VSIR: variants seen among roughly 807,000 people sequenced by gnomAD.
The protein encoded by VSIR is V-type immunoglobulin domain-containing suppressor of T-cell activation.
VSIR carries 10 observed loss-of-function variants against 31.0 expected under a neutral mutation model. The ratio of observed to expected loss-of-function variants is 0.32; its 90% CI spans 0.20 to 0.55. The LOEUF is 0.55. Ranked by LOEUF, VSIR falls within the 20% of genes least tolerant of loss-of-function variation. The pLI, the probability that VSIR is intolerant of heterozygous loss-of-function variation, is 0.93. For missense variants in VSIR, 356 were observed against 416.2 expected, an observed-to-expected ratio of 0.86 and a Z score of 1.26; for synonymous variants, 179 against 180.1, an observed-to-expected ratio of 0.99 and a Z score of 0.05.
rs1442661472 is a variant in VSIR, at chr10:71,766,562, T to G, written c.83-4536A>C. On this transcript the variant is annotated intron_variant, in intron 1 of 6. Transcript: ENST00000394957. ...TTCTCTGAGCCTCCGTTTCTTCATC[T>G]TAACCTGAGGGCTGCCAGCTCTAAA... Among the ~76,000 whole-genome samples, 4 of 152,222 alleles carry G rather than the reference T, an allele frequency of 2.6e-5. No individual in the cohort carries two copies. In the East Asian group the frequency reaches 5.8e-4, roughly 22 times the overall value.
chr10:71,760,314 C>CATATCT (rs1840344914), intron 3 of VSIR, among the ~76,000 whole-genome samples: 1 of 82,418 alleles, frequency 1.2e-5, no homozygotes, highest in Non-Finnish European at 3.0e-5. Context: ...TATACACACA[C>CATATCT]ATATATATAT....
chr10:71,751,064 C>T lies in VSIR; in HGVS notation c.*189G>A, dbSNP rs41281322. On this transcript the variant is annotated 3_prime_UTR_variant, in exon 7 of 7. Coordinates refer to ENST00000394957, the MANE Select transcript of VSIR (RefSeq NM_022153.2). This position sits in a 1 kb window ranked among gnomAD's most constrained non-coding sequence, Gnocchi z 4.9. ...AAAATCCTTGGAACAGGGGCTGAGC[C>T]GTCCAGCATCCCCATGTAGCATCCA... 89 of 656,746 alleles carry T rather than the reference C, an allele frequency of 1.4e-4. No individual in the cohort carries two copies. The highest frequency in any genetic ancestry group is 6.2e-4 in the African/African-American group (33 of 53,482). The allele number at this position is 656,746 out of a possible 1,614,324, so 40.7% of individuals were successfully genotyped here.
chr10:71,756,197 C>T (rs1840143183), intron 3 of VSIR, among the ~76,000 whole-genome samples: 3 of 152,144 alleles, frequency 2.0e-5, no homozygotes, highest in African/African-American at 7.2e-5. Flanking sequence ...TCCTCCTCCC[C>T]TTGTACCAAG....
rs1228690943 is a variant in VSIR at position 71,750,453 on chromosome 10, C to G, written c.*800G>C. The G allele has an allele frequency of 6.6e-6, 1 of 152,346 alleles. No individual in the cohort carries two copies. Among genetic ancestry groups the G allele is most frequent in the Non-Finnish European group, 1.5e-5 (1 of 68,140 alleles). The allele number at this position is 152,346 out of a possible 1,614,324, so 9.4% of individuals were successfully genotyped here. ...AGTAGGGGATGGGGAGGGCGGGGGG[C>G]AGGTGCCCCTCTCCACTCACCTTCC... On this transcript the variant is annotated 3_prime_UTR_variant, in exon 7 of 7. Transcript: ENST00000394957.
Position 71,763,263 on chromosome 10 carries a change from C to A in VSIR, c.83-1237G>T, listed in dbSNP as rs1265147271. 2.0e-5 allele frequency among the ~76,000 whole-genome samples: 3 copies of A among 152,368 alleles called. No individual in the cohort carries two copies. The East Asian group carries it at 5.8e-4, about 29-fold the overall frequency. On this transcript the variant is annotated intron_variant, in intron 1 of 6. Coordinates refer to ENST00000394957, the MANE Select transcript of VSIR (RefSeq NM_022153.2). ...CTTCAAGCAATTCTCCTGCCTTGGC[C>A]TCTCAAAGTCTTGGGATTACAAGTG...
rs1840259962 is a variant in VSIR at position 71,759,846 on chromosome 10, C to CATACACACACACACACAT, written c.568+1021_568+1022insATGTGTGTGTGTGTGTAT. ...ACACACACACACACACACACACACA[C>CATACACACACACACACAT]ATATACACACACACACACATATATA... On this transcript the variant is annotated intron_variant, in intron 3 of 6. Coordinates refer to ENST00000394957, the MANE Select transcript of VSIR (RefSeq NM_022153.2). 7.0e-4 allele frequency among the ~76,000 whole-genome samples: 42 copies of CATACACACACACACACAT among 59,964 alleles called. 7 individuals carry two copies. The highest frequency in any genetic ancestry group is 3.8e-4 in the Non-Finnish European group (11 of 29,048). The allele number at this position is 59,964 out of a possible 152,430, so 39.3% of individuals were successfully genotyped here.
intron 3 of VSIR, chr10:71,757,748 T>C (rs1439724697): frequency 6.6e-6 from 1 of 152,524 alleles, no homozygotes; most frequent in East Asian, 1.9e-4. Flanking sequence ...CGGGGATATA[T>C]GGAGGAGGGA....
In VSIR at chr10:71,755,361, C is replaced by T. The variant is rs752922320; in HGVS notation, c.674G>A (p.Arg225His). 2.3e-5 allele frequency: 37 copies of T among 1,605,186 alleles called. No homozygotes were observed. Among genetic ancestry groups the T allele is most frequent in the African/African-American group, 4.0e-5 (3 of 74,850 alleles). Residue 225 changes from arginine to histidine, a missense_variant and splice_region_variant, in exon 4 of 7, where the codon CGC becomes CAC. By Grantham distance (29) the Arg-to-His change is conservative (BLOSUM62 0). Coordinates refer to ENST00000394957, the MANE Select transcript of VSIR (RefSeq NM_022153.2). ...CCCAGGCAGGGAGGAATACTCACGG[C>T]GGTTGGAGGCTGCCTGCCTTTGCTT... is the stretch of plus-strand genomic sequence containing the variant. ...VYKQRQAASN[R>H]RAQELVRMDS...
In VSIR at chr10:71,751,020, G is replaced by A. The variant is rs899179361; in HGVS notation, c.*233C>T. 4 of 509,674 alleles carry A rather than the reference G, an allele frequency of 7.8e-6. No homozygotes were observed. The highest frequency in any genetic ancestry group is 1.4e-5 in the Non-Finnish European group (4 of 284,116). The allele number at this position is 509,674 out of a possible 1,614,324, so 31.6% of individuals were successfully genotyped here. A position where few individuals can be genotyped will look rare whatever the true frequency, so the allele number is the denominator to read the frequency against. The stretch of plus-strand genomic sequence containing the variant: ...TAGCTGGTGAATTTCAGGTCTCTAG[G>A]GGAGAATCTCAGCACCCCAAAATCC... On this transcript the variant is annotated 3_prime_UTR_variant, in exon 7 of 7. Coordinates refer to ENST00000394957, the MANE Select transcript of VSIR (RefSeq NM_022153.2). The surrounding 1 kb of genome is among the most constrained non-coding windows in gnomAD (Gnocchi z 4.9).
intron 5 of VSIR, among the ~76,000 whole-genome samples, chr10:71,752,746 C>T (rs918475105): frequency 2.0e-5 from 3 of 152,278 alleles, no homozygotes; most frequent in East Asian, 1.9e-4. Context: ...CACTGAGACC[C>T]GAAGGTGGGT....
At chr10:71,765,169 G>C (rs1252815824) in intron 1 of VSIR, among the ~76,000 whole-genome samples, 3 of 152,226 alleles carry the variant, frequency 2.0e-5, no homozygotes, top group African/African-American at 7.2e-5. Context: ...CATGTGGCAG[G>C]TCCCACCAGC....
In VSIR at chr10:71,751,174, G is replaced by C; in HGVS notation, c.*79C>G. 6.0e-6 allele frequency: 9 copies of C among 1,504,760 alleles called. No individual in the cohort carries two copies. 93.2% of individuals were successfully genotyped at this position (1,504,760 alleles called of 1,614,324 possible). Reference sequence around the variant, plus strand: ...AGGGAACCAGGGCCGAGGCCAAGGAGGCCACTCACAGAGCCAGCCCTGGCT... The same window carrying C: ...AGGGAACCAGGGCCGAGGCCAAGGACGCCACTCACAGAGCCAGCCCTGGCT... On this transcript the variant is annotated 3_prime_UTR_variant, in exon 7 of 7. Transcript: ENST00000394957. The surrounding 1 kb of genome is among the most constrained non-coding windows in gnomAD (Gnocchi z 4.9).
At chr10:71,752,884 G>A in intron 5 of VSIR, 91 bp downstream of exon 5, 1 of 1,457,132 alleles carries the variant, frequency 6.9e-7, no homozygotes, top group Non-Finnish European at 9.4e-7. Context: ...GCTGCTCTAG[G>A]CAGCTAAACA....
intron 1 of VSIR, among the ~76,000 whole-genome samples, chr10:71,762,555 T>C (rs1402823060): frequency 1.3e-5 from 2 of 152,204 alleles, no homozygotes; most frequent in East Asian, 3.8e-4. Flanking sequence ...TGGCCTCCCC[T>C]TGAGCAGACG....
rs1282659333 is a variant in VSIR at position 71,751,093 on chromosome 10, G to A, written c.*160C>T. On this transcript the variant is annotated 3_prime_UTR_variant, in exon 7 of 7. Transcript: ENST00000394957. The surrounding 1 kb of genome is among the most constrained non-coding windows in gnomAD (Gnocchi z 4.9). ...CAGCATCCCCATGTAGCATCCAGAGGGGTTGAGGGGCTGGGCTTCTGGGAT... is the reference window on the plus strand; with the variant it reads ...CAGCATCCCCATGTAGCATCCAGAGAGGTTGAGGGGCTGGGCTTCTGGGAT... The A allele has an allele frequency of 4.8e-6, 4 of 832,424 alleles. No homozygotes were observed. The Admixed American group carries it at 1.2e-4, about 24-fold the overall frequency. The allele number at this position is 832,424 out of a possible 1,614,324, so 51.6% of individuals were successfully genotyped here.
intron 1 of VSIR, among the ~76,000 whole-genome samples, chr10:71,768,347 T>A (rs2132905556): frequency 6.6e-6 from 1 of 152,196 alleles, no homozygotes; most frequent in Non-Finnish European, 1.5e-5. Context: ...ATTTTTGTAT[T>A]TTTAGTAGAG....
chr10:71,761,694 G>A lies in VSIR; in HGVS notation c.415C>T (p.Leu139=), dbSNP rs771290690. Residue 139 remains leucine, a synonymous_variant, in exon 2 of 7, where the codon CTG becomes TTG. Coordinates refer to ENST00000394957, the MANE Select transcript of VSIR (RefSeq NM_022153.2). ...FSITMRNLTL[L]DSGLYCCLVV... The stretch of plus-strand genomic sequence containing the variant: ...AGGCAGCAGTAGAGGCCGCTATCCA[G>A]CAGGGTCAGGTTGCGCATGGTGATG... The A allele has an allele frequency of 5.6e-6, 9 of 1,613,894 alleles. No individual in the cohort carries two copies. Among genetic ancestry groups the A allele is most frequent in the Non-Finnish European group, 6.8e-6 (8 of 1,180,028 alleles).
Position 71,773,353 on chromosome 10 carries a change from C to G in VSIR, c.82+5G>C. 6.2e-7 allele frequency: 1 copy of G among 1,605,686 alleles called. No homozygotes were observed. Among genetic ancestry groups the G allele is most frequent in the Non-Finnish European group, 8.5e-7 (1 of 1,176,326 alleles). ...TTCCCAGCGCCCCGCCTCCCCCGAC[C>G]TTACCTAGGGACGCAGCCAGGAAGA... is the stretch of plus-strand genomic sequence containing the variant. On this transcript the variant is annotated splice_donor_5th_base_variant and intron_variant, in intron 1 of 6. Coordinates refer to ENST00000394957, the MANE Select transcript of VSIR (RefSeq NM_022153.2).
Position 71,751,977 on chromosome 10 carries a change from C to T in VSIR, c.705-116G>A. The T allele has an allele frequency of 8.8e-7, 1 of 1,142,144 alleles. No homozygotes were observed. The highest frequency in any genetic ancestry group is 1.3e-6 in the Non-Finnish European group (1 of 787,858). The allele number at this position is 1,142,144 out of a possible 1,614,324, so 70.8% of individuals were successfully genotyped here. A position where few individuals can be genotyped will look rare whatever the true frequency, so the allele number is the denominator to read the frequency against. On this transcript the variant is annotated intron_variant, in intron 5 of 6. Coordinates refer to ENST00000394957, the MANE Select transcript of VSIR (RefSeq NM_022153.2). The surrounding 1 kb of genome is among the most constrained non-coding windows in gnomAD (Gnocchi z 4.9). ...CTCACCTACATCCCCATCCCCAAGC[C>T]TCAGCAGCATCTCCAAGCAAGAAGG...
Sources: gnomAD v4.1 joint callset for allele counts (sites outside exome capture counted in the v4.1 genomes callset) on GRCh38, gnomAD v4.1.1 for gene constraint, Gnocchi (gnomAD v3.1) non-coding constraint, MANE v1.5 for transcripts, NCBI Gene and HGNC (gene_info 2026-07-23, HGNC 2026-07-21) for gene names.